Variants in NTM observed in about 807,000 individuals in gnomAD.
NTM encodes IgLON family member 2.
Under a neutral mutation model 42.1 loss-of-function variants are expected in NTM, and 13 were observed. That is an observed-to-expected ratio of 0.31 (90% CI 0.20 to 0.49). The LOEUF is 0.49. NTM is among the 20% of genes least tolerant of loss of function. NTM has a pLI of 0.99. For missense variants in NTM, 373 were observed against 452.8 expected (o/e 0.82, Z 1.60); for synonymous variants, 187 against 179.2 (o/e 1.04, Z -0.35).
chr11:131,820,543 T>A (rs980717605), intron 1 of NTM, among the ~76,000 whole-genome samples: 2 of 152,196 alleles, frequency 1.3e-5, no homozygotes, highest in Non-Finnish European at 2.9e-5. Context: ...CCTAGATTAA[T>A]TTTTTTAAAT....
At position 131,730,744 on chromosome 11, in the gene NTM, G is replaced by T. The variant is rs1591472543; in HGVS notation, c.83-180820G>T. Among the ~76,000 whole-genome samples, 2 of 127,384 alleles carry T rather than the reference G, an allele frequency of 1.6e-5. 1 individual carries two copies. The highest frequency in any genetic ancestry group is 5.6e-5 in the African/African-American group (2 of 35,436). 83.6% of individuals were successfully genotyped at this position (127,384 alleles called of 152,430 possible). ...TAAAAGAAGAAGAAGAGAAGAAGAC[G>T]AAGAAAAGAGCAGGGAATCTACAAA... On this transcript the variant is annotated intron_variant, in intron 1 of 8. Transcript: ENST00000683400.
chr11:132,202,198 G>A (rs2081265569), intron 3 of NTM, among the ~76,000 whole-genome samples: 1 of 152,026 alleles, frequency 6.6e-6, no homozygotes, highest in Admixed American at 6.6e-5. Flanking sequence ...GATGGTTTTG[G>A]GTTACTTGTG....
intron 6 of NTM, 54 bp from the exon 7 acceptor site, chr11:132,314,498 A>C: frequency 1.3e-6 from 2 of 1,556,562 alleles, no homozygotes; most frequent in Non-Finnish European, 1.7e-6. Context: ...TCTTCTTCCT[A>C]TGAGGACACA....
At chr11:132,032,551 GAGGT>G (rs2076057044) in intron 2 of NTM, among the ~76,000 whole-genome samples, 1 of 152,090 alleles carries the variant, frequency 6.6e-6, no homozygotes, top group Non-Finnish European at 1.5e-5. Flanking sequence ...GGTGATTGGG[GAGGT>G]AAGAGCCATC....
At chr11:131,447,336 T>C (rs1950134521) in intron 1 of NTM, among the ~76,000 whole-genome samples, 1 of 152,200 alleles carries the variant, frequency 6.6e-6, no homozygotes, top group South Asian at 2.1e-4. Context: ...AGAGTTCACG[T>C]GCTAACCATG....
rs183049925 is a variant in NTM, at chr11:131,661,626, G to T, written c.83-249938G>T. Among the ~76,000 whole-genome samples the T allele has an allele frequency of 5.9e-5, 9 of 152,288 alleles. No homozygotes were observed. In the East Asian group the frequency reaches 1.7e-3, roughly 29 times the overall value. ...AGGGTAGATTTCTAAAAGAGCTGGG[G>T]GCTGGTTTGTCATTGTAGTCACTGT... On this transcript the variant is annotated intron_variant, in intron 1 of 8. Coordinates refer to ENST00000683400, the MANE Select transcript of NTM (RefSeq NM_001352005.2).
intron 3 of NTM, among the ~76,000 whole-genome samples, chr11:132,168,307 G>A (rs2075596953): frequency 6.6e-6 from 1 of 152,176 alleles, no homozygotes; most frequent in Non-Finnish European, 1.5e-5. Context: ...TAGCTTGTGA[G>A]CCCAGTTGAC....
intron 1 of NTM, among the ~76,000 whole-genome samples, chr11:131,733,047 G>T (rs1428317145): frequency 6.6e-6 from 1 of 151,900 alleles, no homozygotes; most frequent in Non-Finnish European, 1.5e-5. Context: ...CCATATTGTT[G>T]ATCATTAAGA....
At chr11:131,375,251 T>C (rs558775856) in intron 1 of NTM, among the ~76,000 whole-genome samples, 3 of 152,332 alleles carry the variant, frequency 2.0e-5, no homozygotes, top group African/African-American at 7.2e-5. Flanking sequence ...TTGTAAGGAC[T>C]CATTAATGCT....
chr11:132,325,732 G>A (rs2095665299), intron 7 of NTM, among the ~76,000 whole-genome samples: 1 of 152,138 alleles, frequency 6.6e-6, no homozygotes. Flanking sequence ...GTTTATTGTG[G>A]CACTATTCAC....
intron 1 of NTM, among the ~76,000 whole-genome samples, chr11:131,416,361 T>C (rs925887402): frequency 1.3e-5 from 2 of 152,172 alleles, no homozygotes; most frequent in Admixed American, 6.5e-5. Flanking sequence ...TTTTTTACCA[T>C]TATTATTTCA....
chr11:132,086,256 G>A (rs776283677), intron 2 of NTM, among the ~76,000 whole-genome samples: 8 of 149,350 alleles, frequency 5.4e-5, no homozygotes, highest in African/African-American at 1.0e-4. Context: ...CCCAGGAGGC[G>A]GAGCTTGCAG....
intron 1 of NTM, chr11:131,767,034 T>C: frequency 8.4e-6 from 3 of 356,944 alleles, no homozygotes; most frequent in Non-Finnish European, 1.2e-5. Context: ...TATAACCAAG[T>C]AAATGTCAGT....
intron 2 of NTM, among the ~76,000 whole-genome samples, chr11:132,048,823 T>C (rs12796625): frequency 1.8e-4 from 18 of 99,968 alleles, no homozygotes; most frequent in Admixed American, 4.4e-4. Context: ...TTTTTCTTTT[T>C]TTTTTTTTTT....
At chr11:131,568,276 G>A (rs2057096373) in intron 1 of NTM, among the ~76,000 whole-genome samples, 1 of 152,190 alleles carries the variant, frequency 6.6e-6, no homozygotes, top group Admixed American at 6.5e-5. Context: ...CTATACCTCA[G>A]TAAATCTTCA....
At position 131,409,684 on chromosome 11, in the gene NTM, C is replaced by T. The variant is rs549720283; in HGVS notation, c.82+38796C>T. 6.0e-4 allele frequency among the ~76,000 whole-genome samples: 92 copies of T among 152,260 alleles called. 1 individual carries two copies. The highest frequency in any genetic ancestry group is 3.5e-3 in the Admixed American group (53 of 15,302). Reference sequence around the variant, plus strand: ...ATAAAGGAAATATTGTCTATAAAAGCCCCGTTTTCCCTTTCTTCTGGAGCA... The same window carrying T: ...ATAAAGGAAATATTGTCTATAAAAGTCCCGTTTTCCCTTTCTTCTGGAGCA... On this transcript the variant is annotated intron_variant, in intron 1 of 8. Coordinates refer to ENST00000683400, the MANE Select transcript of NTM (RefSeq NM_001352005.2).
intron 1 of NTM, among the ~76,000 whole-genome samples, chr11:131,766,338 C>T (rs1023990459): frequency 6.6e-6 from 1 of 152,070 alleles, no homozygotes; most frequent in Admixed American, 6.5e-5. Context: ...GCTGGGTGTT[C>T]GGGGATCAGG....
chr11:131,961,205 C>A (rs577766203), intron 2 of NTM, among the ~76,000 whole-genome samples: 12 of 152,306 alleles, frequency 7.9e-5, no homozygotes, highest in African/African-American at 2.2e-4. Context: ...TTTGAAAAAA[C>A]CTTCATTGTT....
rs572426756 is a variant in NTM, at chr11:131,724,934, TCA to T, written c.83-186629_83-186628del. 5.8e-4 allele frequency among the ~76,000 whole-genome samples: 88 copies of T among 151,912 alleles called. 1 individual carries two copies. Among genetic ancestry groups the T allele is most frequent in the African/African-American group, 2.1e-3 (86 of 41,422 alleles). On this transcript the variant is annotated intron_variant, in intron 1 of 8. Transcript: ENST00000683400. ...TTGGAGCTTGGACTGTGTGTTGGAG[TCA>T]GGGGAGTGAGGGGCTCCGGATGTTC... is the stretch of plus-strand genomic sequence containing the variant.
Sources: gnomAD v4.1 joint callset for allele counts (sites outside exome capture counted in the v4.1 genomes callset) on GRCh38, gnomAD v4.1.1 for gene constraint, MANE v1.5 for transcripts, NCBI Gene and HGNC (gene_info 2026-07-23, HGNC 2026-07-21) for gene names.